The following DNMT3B variants were observed in gnomAD, a reference collection of about 807,000 sequenced individuals.
DNMT3B encodes DNA methyltransferase 3 beta, also known as DNA (cytosine-5)-methyltransferase 3B.
DNMT3B carries 37 observed loss-of-function variants against 120.2 expected under a neutral mutation model. The ratio of observed to expected loss-of-function variants is 0.31; its 90% CI spans 0.24 to 0.40. DNMT3B has a LOEUF of 0.40. Ranked by LOEUF, DNMT3B falls within the 10% of genes least tolerant of loss-of-function variation. DNMT3B has a pLI of 1.00. For synonymous variants in DNMT3B, 412 were observed against 442.8 expected, an observed-to-expected ratio of 0.93 and a Z score of 0.87; for missense variants, 878 against 1,137.3, an observed-to-expected ratio of 0.77 and a Z score of 3.28.
At chr20:32,774,150 A>G (rs1213287204) in intron 1 of DNMT3B, among the ~76,000 whole-genome samples, 1 of 150,026 alleles carries the variant, frequency 6.7e-6, no homozygotes. Context: ...CCCGCTCTCT[A>G]CTTCACCTAG....
chr20:32,784,059 G>A (rs577286627), intron 3 of DNMT3B, among the ~76,000 whole-genome samples: 1 of 152,292 alleles, frequency 6.6e-6, no homozygotes, highest in South Asian at 2.1e-4. Context: ...TGGAATTACA[G>A]GCACATGCCA....
intron 4 of DNMT3B, among the ~76,000 whole-genome samples, chr20:32,785,380 T>A (rs552479505): frequency 6.6e-6 from 1 of 152,302 alleles, no homozygotes; most frequent in South Asian, 2.1e-4. Flanking sequence ...AGGTGGTTTT[T>A]AAGTTCTTTC....
intron 1 of DNMT3B, 136 bp from the exon 2 acceptor site, chr20:32,780,182 T>C: frequency 6.2e-7 from 1 of 1,612,744 alleles, no homozygotes; most frequent in Non-Finnish European, 8.5e-7. Context: ...CTGGGTGGGG[T>C]ACTTGGGCAA....
chr20:32,794,430 C>G (rs1264349108), intron 10 of DNMT3B, among the ~76,000 whole-genome samples: 1 of 151,592 alleles, frequency 6.6e-6, no homozygotes, highest in Admixed American at 6.6e-5. Flanking sequence ...GCCTGTAATC[C>G]CAGCACTTTG....
At chr20:32,796,647 C>A in intron 12 of DNMT3B, 143 bp from the exon 13 acceptor site, 2 of 838,982 alleles carry the variant, frequency 2.4e-6, no homozygotes, top group Non-Finnish European at 4.0e-6. Flanking sequence ...GTGGTAGAAG[C>A]TGTGAGGCAT....
intron 1 of DNMT3B, among the ~76,000 whole-genome samples, chr20:32,778,991 A>T (rs1425830203): frequency 3.3e-5 from 5 of 151,964 alleles, no homozygotes; most frequent in Admixed American, 1.3e-4. Flanking sequence ...CAGATAGAAG[A>T]TAAACTGCGA....
intron 2 of DNMT3B, among the ~76,000 whole-genome samples, chr20:32,780,882 G>A (rs1233144734): frequency 1.3e-5 from 2 of 152,128 alleles, no homozygotes; most frequent in East Asian, 1.9e-4. Context: ...TTGGGATCCC[G>A]CCCCAGCTGG....
At chr20:32,765,422 CTTTCTTT>C (rs1475162190) in intron 1 of DNMT3B, among the ~76,000 whole-genome samples, 2 of 121,324 alleles carry the variant, frequency 1.6e-5, no homozygotes, top group East Asian at 3.8e-4. Flanking sequence ...CTCTTTTTTT[CTTTCTTT>C]TTTTTTTTTT....
chr20:32,762,498 C>T lies in DNMT3B; in HGVS notation c.-208C>T, dbSNP rs556515026. 1 of 256,048 alleles carries T rather than the reference C, an allele frequency of 3.9e-6. No individual in the cohort carries two copies. The highest frequency in any genetic ancestry group is 4.2e-5 in the Admixed American group (1 of 23,622). The allele number at this position is 256,048 out of a possible 1,614,324, so 15.9% of individuals were successfully genotyped here. ...AGCGCCCCCCGACGGACGGGACCGG[C>T]TCCCTGGCGGTCGGGCGAGCGGGCG... On this transcript the variant is annotated 5_prime_UTR_variant, in exon 1 of 23. Transcript: ENST00000328111.
At position 32,795,545 on chromosome 20, in the gene DNMT3B, G is replaced by A; in HGVS notation, c.1252+11G>A. 6.2e-7 allele frequency: 1 copy of A among 1,614,116 alleles called. No individual in the cohort carries two copies. The highest frequency in any genetic ancestry group is 1.6e-4 in the Middle Eastern group (1 of 6,062). On this transcript the variant is annotated intron_variant, in intron 11 of 22. Transcript: ENST00000328111. ...AAGATCAGAGCCGAGGTGATTGTTG[G>A]GTACCTGGGATCATGGGACAGATGG...
intron 6 of DNMT3B, among the ~76,000 whole-genome samples, chr20:32,788,367 C>T (rs999875150): frequency 3.9e-5 from 6 of 152,092 alleles, no homozygotes; most frequent in Non-Finnish European, 8.8e-5. Context: ...CTTAATTAAC[C>T]GATTCAGGTT....
intron 22 of DNMT3B, 39 bp downstream of exon 22, chr20:32,806,366 T>C: frequency 6.3e-7 from 1 of 1,588,532 alleles, no homozygotes; most frequent in African/African-American, 1.3e-5. Flanking sequence ...ACTGTGTAGA[T>C]CAAAACACAA....
chr20:32,808,281 G>C lies in DNMT3B; in HGVS notation c.*378G>C. On this transcript the variant is annotated 3_prime_UTR_variant, in exon 23 of 23. Coordinates refer to ENST00000328111, the MANE Select transcript of DNMT3B (RefSeq NM_006892.4). ...GTGCCGACAGCTCTCCAATACTCAGGTTAATGCTGAAAAATCATCCAAGAC... is the reference window on the plus strand; with the variant it reads ...GTGCCGACAGCTCTCCAATACTCAGCTTAATGCTGAAAAATCATCCAAGAC... 2.8e-6 allele frequency: 1 copy of C among 351,274 alleles called. No individual in the cohort carries two copies. The highest frequency in any genetic ancestry group is 4.1e-5 in the South Asian group (1 of 24,536). The allele number at this position is 351,274 out of a possible 1,614,324, so 21.8% of individuals were successfully genotyped here.
At chr20:32,765,747 TTTC>T (rs1437419397) in intron 1 of DNMT3B, among the ~76,000 whole-genome samples, 1 of 130,948 alleles carries the variant, frequency 7.6e-6, no homozygotes, top group Non-Finnish European at 1.5e-5. Context: ...TTATTTATTT[TTTC>T]TTTTTTTCTT....
At chr20:32,783,866 C>T (rs1050059290) in intron 3 of DNMT3B, among the ~76,000 whole-genome samples, 1 of 151,750 alleles carries the variant, frequency 6.6e-6, no homozygotes, top group African/African-American at 2.4e-5. Context: ...GCTGGGCTTA[C>T]AGGCGTGCAC....
In DNMT3B at chr20:32,800,232, T is replaced by C; in HGVS notation, c.1839T>C (p.Val613=). 18 of 1,614,166 alleles carry C rather than the reference T, an allele frequency of 1.1e-5. No homozygotes were observed. Among genetic ancestry groups the C allele is most frequent in the Non-Finnish European group, 1.4e-5 (17 of 1,180,030 alleles). Residue 613 remains valine (V), a synonymous_variant, in exon 17 of 23, where the codon GTT becomes GTC. Transcript: ENST00000328111. ...ASEVCEESIA[V]GTVKHEGNIK... is the part of the protein sequence containing the mutation. Reference sequence around the variant, plus strand: ...AAGTGTGTGAGGAGTCCATTGCTGTTGGAACCGTGAAGCACGAGGGGAATA... The same window carrying C: ...AAGTGTGTGAGGAGTCCATTGCTGTCGGAACCGTGAAGCACGAGGGGAATA...
chr20:32,790,526 C>T (rs1275405154), intron 7 of DNMT3B, among the ~76,000 whole-genome samples: 3 of 123,920 alleles, frequency 2.4e-5, no homozygotes, highest in Admixed American at 9.1e-5. Flanking sequence ...TGTGTTGGAG[C>T]GGTTTCCCCC....
Position 32,801,309 on chromosome 20 carries a change from C to T in DNMT3B, c.2028C>T (p.Tyr676=), listed in dbSNP as rs1214144760. The change falls in exon 19 of 23, where the codon TAC becomes TAT. Residue 676 remains tyrosine (Y), a synonymous_variant. Coordinates refer to ENST00000328111, the MANE Select transcript of DNMT3B (RefSeq NM_006892.4). The stretch of plus-strand genomic sequence containing the variant: ...CAGGCCGGCTCTTCTTCGAATTTTA[C>T]CACCTGCTGAATTACTCACGCCCCA... ...EGTGRLFFEF[Y]HLLNYSRPKE... is the part of the protein sequence containing the mutation. The T allele has an allele frequency of 1.2e-6, 2 of 1,614,066 alleles. No homozygotes were observed. Among genetic ancestry groups the T allele is most frequent in the African/African-American group, 2.7e-5 (2 of 74,926 alleles).
chr20:32,808,041 G>C lies in DNMT3B; in HGVS notation c.*138G>C. ...GTGTACCTCAGTTCCCTCTTGCTCA[G>C]TGGGGGCAGAGCCACCTGACTCTTG... On this transcript the variant is annotated 3_prime_UTR_variant, in exon 23 of 23. Transcript: ENST00000328111. 6.8e-7 allele frequency: 1 copy of C among 1,469,194 alleles called. No homozygotes were observed. Among genetic ancestry groups the C allele is most frequent in the East Asian group, 2.4e-5 (1 of 41,334 alleles). The allele number at this position is 1,469,194 out of a possible 1,614,324, so 91.0% of individuals were successfully genotyped here. A position where few individuals can be genotyped will look rare whatever the true frequency, so the allele number is the denominator to read the frequency against.
Sources: gnomAD v4.1 joint callset for allele counts (sites outside exome capture counted in the v4.1 genomes callset) on GRCh38, gnomAD v4.1.1 for gene constraint, MANE v1.5 for transcripts, NCBI Gene and HGNC (gene_info 2026-07-23, HGNC 2026-07-21) for gene names.